The following EMP2 variants were observed in gnomAD, a reference collection of about 807,000 sequenced individuals.
The protein encoded by EMP2 is epithelial membrane protein 2.
A neutral mutation model predicts 13.7 loss-of-function variants in EMP2; 19 were observed. The observed-to-expected ratio is 1.38, with a 90% CI of 0.97 to 2.03. The LOEUF is 2.03. EMP2 is among the 30% of genes most tolerant of loss of function. The probability of loss-of-function intolerance (pLI) is 0.00; values close to 1 mark genes in which losing one functional copy is unlikely to be tolerated. For synonymous variants in EMP2, 97 were observed against 84.7 expected (o/e 1.15, Z -0.80); for missense variants, 253 against 220.7 (o/e 1.15, Z -0.93).
chr16:10,553,702 T>C (rs780861250), intron 1 of EMP2, among the ~76,000 whole-genome samples: 42 of 152,260 alleles, frequency 2.8e-4, no homozygotes, highest in Non-Finnish European at 4.3e-4. Flanking sequence ...ACCTCATTCC[T>C]TGGGCTGCCT....
Position 10,533,154 on chromosome 16 carries a change from A to G in EMP2, c.317-62T>C, listed in dbSNP as rs988908088. ...GACCACAGTGCACCCTGGGTAGCCCAGGGGCATACGGCCAGAGTTGAAGAC... is the reference window on the plus strand; with the variant it reads ...GACCACAGTGCACCCTGGGTAGCCCGGGGGCATACGGCCAGAGTTGAAGAC... On this transcript the variant is annotated intron_variant, in intron 4 of 4. Transcript: ENST00000359543. 10 of 1,357,082 alleles carry G rather than the reference A, an allele frequency of 7.4e-6. No homozygotes were observed. The African/African-American group carries it at 1.0e-4, about 14-fold the overall frequency. The allele number at this position is 1,357,082 out of a possible 1,614,324, so 84.1% of individuals were successfully genotyped here.
intron 1 of EMP2, among the ~76,000 whole-genome samples, chr16:10,560,989 G>C (rs547820743): frequency 2.6e-5 from 4 of 152,344 alleles, no homozygotes; most frequent in African/African-American, 4.8e-5. Flanking sequence ...TCTGCTTCTA[G>C]AAGAAAACCA....
At chr16:10,543,479 A>T (rs2050716239) in intron 3 of EMP2, 91 bp downstream of exon 3, 4 of 1,395,494 alleles carry the variant, frequency 2.9e-6, no homozygotes, top group Non-Finnish European at 3.0e-6. Flanking sequence ...AGTGGAGGAG[A>T]GGGTACGGAG....
Position 10,553,855 on chromosome 16 carries a change from T to C in EMP2, c.-60-6178A>G, listed in dbSNP as rs550510711. 1.4e-4 allele frequency among the ~76,000 whole-genome samples: 22 copies of C among 152,310 alleles called. No individual in the cohort carries two copies. The South Asian group carries it at 4.6e-3, about 32-fold the overall frequency. On this transcript the variant is annotated intron_variant, in intron 1 of 4. Transcript: ENST00000359543. Reference sequence around the variant, plus strand: ...ACTTATTTCTTTGCACACATTGCATTGATATATTTAAAGATAGATTCCTAA... The same window carrying C: ...ACTTATTTCTTTGCACACATTGCATCGATATATTTAAAGATAGATTCCTAA...
At chr16:10,562,997 T>C (rs2050883210) in intron 1 of EMP2, among the ~76,000 whole-genome samples, 1 of 152,152 alleles carries the variant, frequency 6.6e-6, no homozygotes, top group South Asian at 2.1e-4. Flanking sequence ...ACACAGCATG[T>C]CAGCATGAGA....
intron 1 of EMP2, among the ~76,000 whole-genome samples, chr16:10,552,119 C>T (rs4990707): frequency 1.2e-3 from 130 of 108,222 alleles, no homozygotes; most frequent in African/African-American, 9.5e-3. Flanking sequence ...GATGCATTCC[C>T]TTTTTTTTTT....
chr16:10,533,789 G>T (rs2050626916), intron 4 of EMP2, among the ~76,000 whole-genome samples: 1 of 152,104 alleles, frequency 6.6e-6, no homozygotes, highest in African/African-American at 2.4e-5. Context: ...ATGTATCCCA[G>T]TTCTGACCAC....
chr16:10,551,136 A>G (rs2050785430), intron 1 of EMP2, among the ~76,000 whole-genome samples: 1 of 152,170 alleles, frequency 6.6e-6, no homozygotes, highest in Non-Finnish European at 1.5e-5. Context: ...CTCACTAAGC[A>G]GTTATTCCCT....
intron 1 of EMP2, among the ~76,000 whole-genome samples, chr16:10,570,224 CTT>C (rs544574300): frequency 5.5e-4 from 73 of 131,646 alleles, no homozygotes; most frequent in Non-Finnish European, 6.5e-4. Context: ...AAAATGGTGG[CTT>C]TTTTTTTTTT....
rs1567199104 is a variant in EMP2, at chr16:10,532,758, C to CTTTTTCTTTTTCTTTTT, written c.*146_*147insAAAAAGAAAAAGAAAAA. The CTTTTTCTTTTTCTTTTT allele has an allele frequency of 1.1e-5, 2 of 182,528 alleles. No individual in the cohort carries two copies. Among genetic ancestry groups the CTTTTTCTTTTTCTTTTT allele is most frequent in the African/African-American group, 8.4e-5 (2 of 23,710 alleles). 11.3% of individuals were successfully genotyped at this position (182,528 alleles called of 1,614,324 possible). ...CTTTTGGATTTTTTTTTTCTTTTTT[C>CTTTTTCTTTTTCTTTTT]TTTTTTTTTTTTTTTTTTTTTTTTT... On this transcript the variant is annotated 3_prime_UTR_variant, in exon 5 of 5. Transcript: ENST00000359543.
chr16:10,538,028 G>A lies in EMP2; in HGVS notation c.216C>T (p.Thr72=), dbSNP rs372511058. Residue 72 remains threonine (T), a synonymous_variant, in exon 4 of 5, where the codon ACC becomes ACT. Transcript: ENST00000359543. ...QAVQATMILS[T]ILCCIAFFIF... Reference sequence around the variant, plus strand: ...TGAAGAAGGCGATGCAGCAGAGAATGGTGGAGAGGATCATGGTGGCCTGGA... The same window carrying A: ...TGAAGAAGGCGATGCAGCAGAGAATAGTGGAGAGGATCATGGTGGCCTGGA... 2 of 1,613,994 alleles carry A rather than the reference G, an allele frequency of 1.2e-6. No homozygotes were observed. Among genetic ancestry groups the A allele is most frequent in the African/African-American group, 2.7e-5 (2 of 74,934 alleles).
At chr16:10,562,779 G>C (rs13332785) in intron 1 of EMP2, among the ~76,000 whole-genome samples, 3 of 152,096 alleles carry the variant, frequency 2.0e-5, no homozygotes, top group Non-Finnish European at 4.4e-5. Flanking sequence ...AGTGCCCAAG[G>C]TTGCTCAGCA....
At position 10,530,875 on chromosome 16, in the gene EMP2, G is replaced by C. The variant is rs2050594123; in HGVS notation, c.*2030C>G. 6.6e-6 allele frequency: 1 copy of C among 152,172 alleles called. No individual in the cohort carries two copies. Among genetic ancestry groups the C allele is most frequent in the Non-Finnish European group, 1.5e-5 (1 of 68,054 alleles). 9.4% of individuals were successfully genotyped at this position (152,172 alleles called of 1,614,324 possible). A position where few individuals can be genotyped will look rare whatever the true frequency, so the allele number is the denominator to read the frequency against. ...CTGTCATCTGCACGAACTGAATGGA[G>C]CTATATTTAGACTGATCTAAATACC... is the stretch of plus-strand genomic sequence containing the variant. On this transcript the variant is annotated 3_prime_UTR_variant, in exon 5 of 5. Transcript: ENST00000359543.
chr16:10,538,459 T>C (rs2050668243), intron 3 of EMP2, among the ~76,000 whole-genome samples: 2 of 151,846 alleles, frequency 1.3e-5, no homozygotes, highest in South Asian at 4.2e-4. Flanking sequence ...GCCTTGGGGG[T>C]CTCCATTTTA....
rs1038205815 is a variant in EMP2, at chr16:10,536,792, T to G, written c.316+1136A>C. On this transcript the variant is annotated intron_variant, in intron 4 of 4. Coordinates refer to ENST00000359543, the MANE Select transcript of EMP2 (RefSeq NM_001424.6). ...TGCTCTGCCATGCTTGGCTAATTTT[T>G]TTTCTTTTTGTATAGAGGAGGTCTC... is the stretch of plus-strand genomic sequence containing the variant. 4.6e-5 allele frequency among the ~76,000 whole-genome samples: 7 copies of G among 152,174 alleles called. No individual in the cohort carries two copies. The East Asian group carries it at 9.6e-4, about 21-fold the overall frequency.
At chr16:10,536,541 T>C (rs2050648648) in intron 4 of EMP2, among the ~76,000 whole-genome samples, 1 of 152,182 alleles carries the variant, frequency 6.6e-6, no homozygotes, top group South Asian at 2.1e-4. Context: ...CTTTTGTTCT[T>C]CCTTTGTCTT....
rs2050581571 is a variant in EMP2, at chr16:10,529,612, T to C, written c.*3293A>G. On this transcript the variant is annotated 3_prime_UTR_variant, in exon 5 of 5. Coordinates refer to ENST00000359543, the MANE Select transcript of EMP2 (RefSeq NM_001424.6). Reference sequence around the variant, plus strand: ...GTCGATCTCTGGTTCTAAGGTGTTTTGTTTGTTTCCATCGTGACTACCAGA... The same window carrying C: ...GTCGATCTCTGGTTCTAAGGTGTTTCGTTTGTTTCCATCGTGACTACCAGA... 1 of 152,178 alleles carries C rather than the reference T, an allele frequency of 6.6e-6. No individual in the cohort carries two copies. Among genetic ancestry groups the C allele is most frequent in the Non-Finnish European group, 1.5e-5 (1 of 68,044 alleles). The allele number at this position is 152,178 out of a possible 1,614,324, so 9.4% of individuals were successfully genotyped here.
At chr16:10,568,112 C>T (rs1051828982) in intron 1 of EMP2, among the ~76,000 whole-genome samples, 2 of 152,148 alleles carry the variant, frequency 1.3e-5, no homozygotes, top group Admixed American at 1.3e-4. Flanking sequence ...ACCAGGGCTG[C>T]AGAAAAATCA....
chr16:10,563,653 G>A (rs1006282459), intron 1 of EMP2, among the ~76,000 whole-genome samples: 15 of 152,328 alleles, frequency 9.8e-5, no homozygotes, highest in African/African-American at 3.6e-4. Context: ...AGTTAACATA[G>A]GAAGGGGTCA....
Sources: allele counts gnomAD v4.1 joint callset (sites outside exome capture counted in the v4.1 genomes callset), GRCh38; gene constraint gnomAD v4.1.1; transcripts MANE v1.5; gene names NCBI Gene and HGNC (gene_info 2026-07-23, HGNC 2026-07-21).